The following CNTN1 variants were observed in gnomAD, a reference collection of about 807,000 sequenced individuals.
CNTN1 encodes contactin 1.
In CNTN1, 38 loss-of-function variants were observed where a neutral mutation model predicts 126.4. The observed-to-expected ratio is 0.30, with a 90% confidence interval of 0.23 to 0.39. The LOEUF (loss-of-function observed/expected upper bound fraction) is 0.39. Ranked by LOEUF, CNTN1 falls within the 10% of genes least tolerant of loss-of-function variation. The pLI, the probability that CNTN1 is intolerant of heterozygous loss-of-function variation, is 1.00. For synonymous variants in CNTN1, 413 were observed against 422.6 expected (o/e 0.98, Z 0.28); for missense variants, 1,009 against 1,248.4 (o/e 0.81, Z 2.89).
At chr12:40,747,868 C>CA (rs1179688326) in intron 1 of CNTN1, among the ~76,000 whole-genome samples, 1 of 152,102 alleles carries the variant, frequency 6.6e-6, no homozygotes, top group Non-Finnish European at 1.5e-5. Flanking sequence ...ACAAAGGCTT[C>CA]AATTTGCATG....
At chr12:40,970,572 C>T (rs184129332) in intron 15 of CNTN1, among the ~76,000 whole-genome samples, 89 of 152,040 alleles carry the variant, frequency 5.9e-4, no homozygotes, top group African/African-American at 2.1e-3. Context: ...CTTAGTTATG[C>T]GTAGGGGAAT....
chr12:40,793,976 C>T (rs1940316705), intron 1 of CNTN1, among the ~76,000 whole-genome samples: 1 of 150,080 alleles, frequency 6.7e-6, no homozygotes, highest in African/African-American at 2.5e-5. Context: ...AGGGGGAACT[C>T]ATTTGCATAA....
chr12:40,768,658 A>G (rs1226156749), intron 1 of CNTN1, among the ~76,000 whole-genome samples: 3 of 152,218 alleles, frequency 2.0e-5, no homozygotes, highest in Non-Finnish European at 2.9e-5. Context: ...AACGTACTGA[A>G]GCCAAGAATT....
intron 1 of CNTN1, among the ~76,000 whole-genome samples, chr12:40,804,361 C>A (rs1172149577): frequency 1.3e-5 from 2 of 152,034 alleles, no homozygotes; most frequent in East Asian, 3.9e-4. Context: ...AAATGCTAGT[C>A]ATTTTATTTA....
At chr12:40,717,420 G>T (rs1019847328) in intron 1 of CNTN1, among the ~76,000 whole-genome samples, 8 of 152,112 alleles carry the variant, frequency 5.3e-5, no homozygotes, top group African/African-American at 1.9e-4. Flanking sequence ...ATGTCATAGG[G>T]TATAGTTATT....
intron 1 of CNTN1, among the ~76,000 whole-genome samples, chr12:40,776,924 T>C (rs1939605145): frequency 6.6e-6 from 1 of 151,728 alleles, no homozygotes; most frequent in African/African-American, 2.4e-5. Context: ...TATACTGTTA[T>C]TTTGTTTTTT....
intron 20 of CNTN1, 119 bp downstream of exon 20, chr12:41,020,559 T>C: frequency 1.4e-6 from 1 of 690,734 alleles, no homozygotes; most frequent in Non-Finnish European, 2.5e-6. Flanking sequence ...TACTTTATTC[T>C]CTGTGTCTAG....
intron 1 of CNTN1, among the ~76,000 whole-genome samples, chr12:40,794,921 A>C (rs908700478): frequency 2.0e-5 from 3 of 152,084 alleles, no homozygotes; most frequent in African/African-American, 2.4e-5. Flanking sequence ...TGTGATTATT[A>C]ATTTTATGTG....
Position 40,859,243 on chromosome 12 carries a change from C to T in CNTN1, c.-76-49114C>T, listed in dbSNP as rs374858963. 4.9e-4 allele frequency among the ~76,000 whole-genome samples: 74 copies of T among 152,012 alleles called. 1 individual carries two copies. Among genetic ancestry groups the T allele is most frequent in the Middle Eastern group, 3.4e-3 (1 of 294 alleles). Reference sequence around the variant, plus strand: ...ACCCATAAGTAGGTAAAATAAATGACTAATAGACTAATAGTTCCAGAAGGC... The same window carrying T: ...ACCCATAAGTAGGTAAAATAAATGATTAATAGACTAATAGTTCCAGAAGGC... On this transcript the variant is annotated intron_variant, in intron 1 of 23. Coordinates refer to ENST00000551295, the MANE Select transcript of CNTN1 (RefSeq NM_001843.4).
intron 1 of CNTN1, among the ~76,000 whole-genome samples, chr12:40,789,942 C>T (rs901697476): frequency 1.6e-4 from 24 of 152,028 alleles, no homozygotes; most frequent in African/African-American, 5.6e-4. Context: ...TTTAGATTTA[C>T]ACCTTTGATA....
At chr12:40,725,376 G>A (rs1942323563) in intron 1 of CNTN1, among the ~76,000 whole-genome samples, 1 of 142,334 alleles carries the variant, frequency 7.0e-6, no homozygotes, top group Non-Finnish European at 1.5e-5. Context: ...ACTCCAGCCT[G>A]GGCAACAAAA....
chr12:40,910,655 G>A (rs534897695), intron 3 of CNTN1, among the ~76,000 whole-genome samples: 2 of 152,270 alleles, frequency 1.3e-5, no homozygotes, highest in East Asian at 3.9e-4. Context: ...GCCTGAATTT[G>A]CATTTTCAGC....
intron 1 of CNTN1, among the ~76,000 whole-genome samples, chr12:40,841,630 A>G (rs1025943503): frequency 6.6e-6 from 1 of 152,116 alleles, no homozygotes; most frequent in Admixed American, 6.5e-5. Flanking sequence ...AACATATGCA[A>G]TTCTATAAAG....
At chr12:40,749,439 G>A (rs556830034) in intron 1 of CNTN1, among the ~76,000 whole-genome samples, 3 of 152,012 alleles carry the variant, frequency 2.0e-5, no homozygotes, top group Non-Finnish European at 4.4e-5. Flanking sequence ...AGTACTACTT[G>A]AGACGTCTTT....
chr12:40,870,149 C>T (rs1476628358), intron 1 of CNTN1, among the ~76,000 whole-genome samples: 1 of 151,980 alleles, frequency 6.6e-6, no homozygotes, highest in Non-Finnish European at 1.5e-5. Context: ...CCACGTGGAA[C>T]TCTAAGTCCA....
At chr12:40,825,392 T>C (rs1941579492) in intron 1 of CNTN1, among the ~76,000 whole-genome samples, 1 of 152,130 alleles carries the variant, frequency 6.6e-6, no homozygotes, top group Non-Finnish European at 1.5e-5. Flanking sequence ...AGATAACAGA[T>C]TTATACCCAA....
chr12:40,840,886 AT>A (rs538533086), intron 1 of CNTN1, among the ~76,000 whole-genome samples: 266 of 152,036 alleles, frequency 1.7e-3, no homozygotes, highest in Non-Finnish European at 3.3e-3. Context: ...AAAATTCACA[AT>A]CTAAAGGAAC....
At chr12:40,718,811 C>T (rs1209617070) in intron 1 of CNTN1, among the ~76,000 whole-genome samples, 1 of 152,102 alleles carries the variant, frequency 6.6e-6, no homozygotes, top group Non-Finnish European at 1.5e-5. Context: ...ACCTGCCCTT[C>T]AAAACTTTCT....
At chr12:40,740,086 A>C (rs1232926396) in intron 1 of CNTN1, among the ~76,000 whole-genome samples, 1 of 152,116 alleles carries the variant, frequency 6.6e-6, no homozygotes, top group Non-Finnish European at 1.5e-5. Context: ...GGGTAAATAA[A>C]TTCACAAGAT....
Sources: allele counts gnomAD v4.1 joint callset (sites outside exome capture counted in the v4.1 genomes callset), GRCh38; gene constraint gnomAD v4.1.1; transcripts MANE v1.5; gene names NCBI Gene and HGNC (gene_info 2026-07-23, HGNC 2026-07-21).